SLC4A4: variants seen among roughly 807,000 people sequenced by gnomAD.
The protein encoded by SLC4A4 is electrogenic sodium bicarbonate cotransporter 1.
In SLC4A4, 27 loss-of-function variants were observed where a neutral mutation model predicts 111.5. The ratio of observed to expected loss-of-function variants is 0.24; its 90% CI spans 0.18 to 0.33. The LOEUF is 0.33. Ranked by LOEUF, SLC4A4 falls within the 10% of genes least tolerant of loss-of-function variation. SLC4A4 has a pLI of 1.00. For synonymous variants in SLC4A4, 443 were observed against 463.4 expected (o/e 0.96, Z 0.57); for missense variants, 909 against 1,315.5 (o/e 0.69, Z 4.78).
At chr4:71,462,932 T>C (rs941184700) in intron 12 of SLC4A4, among the ~76,000 whole-genome samples, 4 of 152,134 alleles carry the variant, frequency 2.6e-5, no homozygotes, top group Admixed American at 1.3e-4. Context: ...CAGAGTCCGG[T>C]GCTCCACTAC....
intron 2 of SLC4A4, among the ~76,000 whole-genome samples, chr4:71,134,565 C>G (rs1176205460): frequency 6.6e-6 from 1 of 152,218 alleles, no homozygotes; most frequent in Non-Finnish European, 1.5e-5. Flanking sequence ...CCTACTTGCT[C>G]TGTGTACTTC....
intron 2 of SLC4A4, among the ~76,000 whole-genome samples, chr4:71,158,098 TGTG>T (rs1347510802): frequency 3.2e-3 from 11 of 3,452 alleles, no homozygotes; most frequent in Non-Finnish European, 9.4e-3. Context: ...TCCTTGACTC[TGTG>T]TGTGTGTGTG....
At chr4:71,107,896 C>A (rs1233282240) in intron 2 of SLC4A4, among the ~76,000 whole-genome samples, 3 of 152,022 alleles carry the variant, frequency 2.0e-5, no homozygotes, top group African/African-American at 7.2e-5. Flanking sequence ...AAGACAGGGT[C>A]TCACTCGGTT....
intron 4 of SLC4A4, among the ~76,000 whole-genome samples, chr4:71,346,630 A>G (rs1729356797): frequency 6.6e-6 from 1 of 152,008 alleles, no homozygotes; most frequent in Non-Finnish European, 1.5e-5. Context: ...CTTTTCTTTA[A>G]TGGGCTCTGA....
At chr4:71,092,393 A>G (rs957770589) in intron 1 of SLC4A4, among the ~76,000 whole-genome samples, 2 of 152,230 alleles carry the variant, frequency 1.3e-5, no homozygotes, top group Admixed American at 1.3e-4. Context: ...TTAAAAATGA[A>G]TATTGATATT....
intron 2 of SLC4A4, among the ~76,000 whole-genome samples, chr4:71,149,970 A>T (rs1007741111): frequency 1.3e-5 from 2 of 152,082 alleles, no homozygotes; most frequent in Admixed American, 1.3e-4. Context: ...TTATTTTTTT[A>T]AAAAACTTAA....
intron 4 of SLC4A4, among the ~76,000 whole-genome samples, chr4:71,342,724 A>AT (rs1279151018): frequency 2.6e-5 from 4 of 152,190 alleles, no homozygotes; most frequent in African/African-American, 9.7e-5. Context: ...TCCTGGTCCC[A>AT]GAAAGGTAGA....
At chr4:71,336,103 G>A (rs1728416338) in intron 3 of SLC4A4, among the ~76,000 whole-genome samples, 1 of 152,152 alleles carries the variant, frequency 6.6e-6, no homozygotes, top group Non-Finnish European at 1.5e-5. Flanking sequence ...CATAGACAGT[G>A]CTCAGTAAAC....
intron 18 of SLC4A4, among the ~76,000 whole-genome samples, chr4:71,536,449 CATATATACATATATACATATATATAT>C (rs1734431819): frequency 2.1e-4 from 1 of 4,848 alleles, no homozygotes. Context: ...AGCATATATA[CATATATACATATATACATATATATAT>C]ATATATATAT....
At chr4:71,392,408 C>T (rs760794942) in intron 6 of SLC4A4, among the ~76,000 whole-genome samples, 58 of 152,118 alleles carry the variant, frequency 3.8e-4, no homozygotes, top group Non-Finnish European at 6.9e-4. Flanking sequence ...ACCCCTCCAA[C>T]GTATATACTT....
intron 2 of SLC4A4, among the ~76,000 whole-genome samples, chr4:71,242,621 G>C (rs1720329835): frequency 1.3e-5 from 2 of 151,818 alleles, no homozygotes; most frequent in Non-Finnish European, 2.9e-5. Context: ...ACCACTGTCT[G>C]TTGTTTTTCT....
rs1726559489 is a variant in SLC4A4 at position 71,459,056 on chromosome 4, ATTTC to A, written c.1497+5390_1497+5393del. Among the ~76,000 whole-genome samples, 4 of 152,056 alleles carry A rather than the reference ATTTC, an allele frequency of 2.6e-5. No individual in the cohort carries two copies. In the South Asian group the frequency reaches 8.3e-4, roughly 32 times the overall value. ...TGGTTGCCTTTAAAACTTATTAGCT[ATTTC>A]TTCTTTAAAGAAGCTTTAAATAATG... is the stretch of plus-strand genomic sequence containing the variant. On this transcript the variant is annotated intron_variant, in intron 12 of 25. Transcript: ENST00000264485.
intron 2 of SLC4A4, among the ~76,000 whole-genome samples, chr4:71,252,451 T>C (rs1415210224): frequency 6.6e-6 from 1 of 152,188 alleles, no homozygotes; most frequent in African/African-American, 2.4e-5. Flanking sequence ...ACCATGGAAC[T>C]ATGTTCCTTG....
At position 71,563,779 on chromosome 4, in the gene SLC4A4, C is replaced by T. The variant is rs751625425; in HGVS notation, c.3100-14C>T. The T allele has an allele frequency of 1.4e-5, 21 of 1,532,172 alleles. No homozygotes were observed. Among genetic ancestry groups the T allele is most frequent in the Non-Finnish European group, 1.6e-5 (18 of 1,106,296 alleles). 94.9% of individuals were successfully genotyped at this position (1,532,172 alleles called of 1,614,324 possible). On this transcript the variant is annotated splice_polypyrimidine_tract_variant and intron_variant, in intron 23 of 25. Transcript: ENST00000264485. ...TAAAAACATTCTAAAACCTCTTGTA[C>T]ATTTTTTTCACAGTCTGACTGCCCA...
intron 15 of SLC4A4, among the ~76,000 whole-genome samples, chr4:71,496,013 G>A (rs1380414412): frequency 1.3e-5 from 2 of 152,030 alleles, no homozygotes; most frequent in Non-Finnish European, 2.9e-5. Context: ...CTTAGGTAAA[G>A]GATATTTAAG....
chr4:71,102,657 A>C (rs1287258285), intron 2 of SLC4A4, among the ~76,000 whole-genome samples: 146 of 150,600 alleles, frequency 9.7e-4, no homozygotes, highest in African/African-American at 3.4e-3. Flanking sequence ...AGAATTTCAT[A>C]TCCAGCCAAA....
intron 1 of SLC4A4, among the ~76,000 whole-genome samples, chr4:71,082,555 C>G (rs980596913): frequency 1.2e-4 from 19 of 152,046 alleles, no homozygotes; most frequent in African/African-American, 4.4e-4. Flanking sequence ...AGAAGAGTAT[C>G]TATTTATCTA....
At chr4:71,497,241 A>G (rs985387690) in intron 15 of SLC4A4, among the ~76,000 whole-genome samples, 8 of 152,144 alleles carry the variant, frequency 5.3e-5, no homozygotes, top group African/African-American at 1.9e-4. Context: ...TTTCTATTGA[A>G]CAAGTGGGCG....
intron 10 of SLC4A4, 57 bp downstream of exon 10, chr4:71,450,600 T>G: frequency 1.3e-6 from 2 of 1,531,648 alleles, no homozygotes; most frequent in South Asian, 2.4e-5. Context: ...AGAAGGAGGT[T>G]GTGTTAAAAA....
Sources: allele counts gnomAD v4.1 joint callset (sites outside exome capture counted in the v4.1 genomes callset), GRCh38; gene constraint gnomAD v4.1.1; transcripts MANE v1.5; gene names NCBI Gene and HGNC (gene_info 2026-07-23, HGNC 2026-07-21).